The following DHTKD1 variants were observed in gnomAD, a reference collection of about 807,000 sequenced individuals.
DHTKD1 encodes dehydrogenase E1 and transketolase domain containing 1, also known as 2-oxoadipate dehydrogenase complex component E1.
A neutral mutation model predicts 101.8 loss-of-function variants in DHTKD1; 78 were observed. The observed-to-expected ratio is 0.77, with a 90% CI of 0.64 to 0.93. The LOEUF (loss-of-function observed/expected upper bound fraction) is 0.93, where lower values mean the gene tolerates loss of function less well. DHTKD1 is among the 40% of genes least tolerant of loss of function. DHTKD1 has a pLI of 0.00. For missense variants in DHTKD1, 1,223 were observed against 1,161.7 expected, an observed-to-expected ratio of 1.05 and a Z score of -0.77; for synonymous variants, 462 against 450.3, an observed-to-expected ratio of 1.03 and a Z score of -0.33.
At chr10:12,077,278 A>G (rs1832748600) in intron 1 of DHTKD1, among the ~76,000 whole-genome samples, 1 of 150,344 alleles carries the variant, frequency 6.7e-6, no homozygotes, top group South Asian at 2.1e-4. Flanking sequence ...CCCAGGCTGG[A>G]GTGCAATGGC....
intron 2 of DHTKD1, among the ~76,000 whole-genome samples, chr10:12,082,826 A>G (rs1331563763): frequency 1.3e-5 from 2 of 152,112 alleles, no homozygotes; most frequent in East Asian, 1.9e-4. Context: ...AAGAAATACA[A>G]TGAACTTTGT....
chr10:12,077,226 T>G (rs994859819), intron 1 of DHTKD1, among the ~76,000 whole-genome samples: 2 of 150,376 alleles, frequency 1.3e-5, no homozygotes, highest in Non-Finnish European at 3.0e-5. Context: ...TCATTAAGTG[T>G]TTTTTGTTTT....
At chr10:12,080,759 A>G (rs868727203) in intron 1 of DHTKD1, among the ~76,000 whole-genome samples, 8 of 151,884 alleles carry the variant, frequency 5.3e-5, no homozygotes, top group Non-Finnish European at 8.8e-5. Flanking sequence ...AAAATATGCT[A>G]ACAATTGTCT....
chr10:12,090,448 C>T (rs58237259), intron 5 of DHTKD1, among the ~76,000 whole-genome samples: 12,702 of 110,192 alleles, frequency 0.12, 586 homozygotes, highest in African/African-American at 0.17. Context: ...TCCTTCCTTC[C>T]TTCCTTCCTT....
intron 1 of DHTKD1, 22 bp downstream of exon 1, chr10:12,069,209 GT>G: frequency 6.5e-7 from 1 of 1,528,798 alleles, no homozygotes; most frequent in South Asian, 1.2e-5. Flanking sequence ...GGCCCGGGCG[GT>G]GGGAGCGGGG....
intron 1 of DHTKD1, among the ~76,000 whole-genome samples, chr10:12,069,876 A>C (rs1177923133): frequency 6.6e-6 from 1 of 151,396 alleles, no homozygotes; most frequent in Non-Finnish European, 1.5e-5. Flanking sequence ...GCTGTGGGAG[A>C]AGTAAAGTTT....
Position 12,103,722 on chromosome 10 carries a change from G to A in DHTKD1, c.1897-2524G>A, listed in dbSNP as rs1833205882. On this transcript the variant is annotated intron_variant, in intron 10 of 16. Coordinates refer to ENST00000263035, the MANE Select transcript of DHTKD1 (RefSeq NM_018706.7). This position sits in a 1 kb window ranked among gnomAD's most constrained non-coding sequence, Gnocchi z 4.8. ...TAGAGATAGGAGTCTCACTGTGATGGCCAGTGTCATCTTGAATTCCTGGCC... is the reference window on the plus strand; with the variant it reads ...TAGAGATAGGAGTCTCACTGTGATGACCAGTGTCATCTTGAATTCCTGGCC... Among the ~76,000 whole-genome samples, 1 of 152,104 alleles carries A rather than the reference G, an allele frequency of 6.6e-6. No individual in the cohort carries two copies. Among genetic ancestry groups the A allele is most frequent in the African/African-American group, 2.4e-5 (1 of 41,416 alleles).
intron 13 of DHTKD1, chr10:12,116,408 T>C (rs1833417756): frequency 6.6e-6 from 1 of 152,128 alleles, no homozygotes; most frequent in South Asian, 2.1e-4. Context: ...TTTTTTTTTT[T>C]CTTGAGATGG....
intron 12 of DHTKD1, among the ~76,000 whole-genome samples, chr10:12,111,893 G>T (rs1272291646): frequency 2.0e-5 from 3 of 152,104 alleles, no homozygotes; most frequent in Non-Finnish European, 4.4e-5. Context: ...TAAGACCATT[G>T]GTGTGATTTT....
At chr10:12,071,555 A>G (rs968969509) in intron 1 of DHTKD1, among the ~76,000 whole-genome samples, 2 of 150,666 alleles carry the variant, frequency 1.3e-5, no homozygotes, top group African/African-American at 4.9e-5. Flanking sequence ...GCGGATCACC[A>G]GGTCAGGAGT....
At chr10:12,073,773 G>A (rs1832684659) in intron 1 of DHTKD1, among the ~76,000 whole-genome samples, 1 of 152,180 alleles carries the variant, frequency 6.6e-6, no homozygotes, top group African/African-American at 2.4e-5. Context: ...GCTTGGCATG[G>A]GAGGGTGCAA....
intron 9 of DHTKD1, 25 bp downstream of exon 9, chr10:12,100,287 G>GGTTTTTTTTTTTTTTTTTTT: frequency 1.1e-5 from 3 of 272,282 alleles, no homozygotes; most frequent in East Asian, 8.1e-5. Flanking sequence ...TTTTTTTTCT[G>GGTTTTTTTTTTTTTTTTTTT]TTTTTTTTTT....
intron 1 of DHTKD1, among the ~76,000 whole-genome samples, chr10:12,070,832 CT>C (rs1025382701): frequency 6.6e-6 from 1 of 152,176 alleles, no homozygotes; most frequent in Admixed American, 6.6e-5. Context: ...CCCTTCCTGT[CT>C]ACTTGCTCAT....
In DHTKD1 at chr10:12,100,274, C is replaced by CTTTTTTTTTCTT; in HGVS notation, c.1756+21_1756+22insCTTTTTTTTTTT. The CTTTTTTTTTCTT allele has an allele frequency of 2.8e-6, 1 of 351,666 alleles. No individual in the cohort carries two copies. The highest frequency in any genetic ancestry group is 4.3e-6 in the Non-Finnish European group (1 of 232,892). 21.8% of individuals were successfully genotyped at this position (351,666 alleles called of 1,614,324 possible). On this transcript the variant is annotated intron_variant, in intron 9 of 16. Coordinates refer to ENST00000263035, the MANE Select transcript of DHTKD1 (RefSeq NM_018706.7). Reference sequence around the variant, plus strand: ...TTTACTTGCTCAAGGTAAGAATTTTCTTTTTTTTTTCTGTTTTTTTTTTTT... The same window carrying CTTTTTTTTTCTT: ...TTTACTTGCTCAAGGTAAGAATTTTCTTTTTTTTTCTTTTTTTTTTTTCTGTTTTTTTTTTTT...
At chr10:12,111,122 T>C (rs556785107) in intron 12 of DHTKD1, among the ~76,000 whole-genome samples, 1 of 148,514 alleles carries the variant, frequency 6.7e-6, no homozygotes, top group Admixed American at 6.8e-5. Context: ...AACAAGAAAA[T>C]GAGACAGTAG....
Position 12,121,033 on chromosome 10 carries a change from A to G in DHTKD1, c.*145A>G. On this transcript the variant is annotated 3_prime_UTR_variant, in exon 17 of 17. Coordinates refer to ENST00000263035, the MANE Select transcript of DHTKD1 (RefSeq NM_018706.7). ...TCAGGAGTTCGAGACCAGCCTGGCC[A>G]ACACGGTGAAACCCCGCCTCTACTA... is the stretch of plus-strand genomic sequence containing the variant. 1.7e-6 allele frequency: 1 copy of G among 578,986 alleles called. No homozygotes were observed. The highest frequency in any genetic ancestry group is 3.1e-6 in the Non-Finnish European group (1 of 325,356). 35.9% of individuals were successfully genotyped at this position (578,986 alleles called of 1,614,324 possible).
intron 10 of DHTKD1, among the ~76,000 whole-genome samples, chr10:12,105,280 G>A (rs1178991011): frequency 1.3e-5 from 2 of 151,850 alleles, no homozygotes; most frequent in East Asian, 3.9e-4. Context: ...CCAAAGGTAG[G>A]ACTTTATTTT....
chr10:12,111,115 A>T (rs1833323166), intron 12 of DHTKD1, among the ~76,000 whole-genome samples: 1 of 151,698 alleles, frequency 6.6e-6, no homozygotes, highest in Admixed American at 6.6e-5. Flanking sequence ...TAAATAGAAC[A>T]AGAAAATGAG....
rs181005891 is a variant in DHTKD1, at chr10:12,110,346, T to C, written c.2154+2331T>C. 1.4e-3 allele frequency among the ~76,000 whole-genome samples: 216 copies of C among 151,942 alleles called. No individual in the cohort carries two copies. Among genetic ancestry groups the C allele is most frequent in the Non-Finnish European group, 2.3e-3 (158 of 67,972 alleles). On this transcript the variant is annotated intron_variant, in intron 12 of 16. Coordinates refer to ENST00000263035, the MANE Select transcript of DHTKD1 (RefSeq NM_018706.7). The surrounding 1 kb of genome is among the most constrained non-coding windows in gnomAD (Gnocchi z 4.9). ...CAAATTCATAAACTTTCTTAAAACA[T>C]TATTTGTGATTTTTTTTTTTTACCT...
Sources: gnomAD v4.1 joint callset for allele counts (sites outside exome capture counted in the v4.1 genomes callset) on GRCh38, gnomAD v4.1.1 for gene constraint, Gnocchi (gnomAD v3.1) non-coding constraint, MANE v1.5 for transcripts, NCBI Gene and HGNC (gene_info 2026-07-23, HGNC 2026-07-21) for gene names.